The following SETD3 variants were observed in gnomAD, a reference collection of about 807,000 sequenced individuals.
SETD3 encodes the protein SET domain containing 3, actin N3(tau)-histidine methyltransferase.
In SETD3, 19 loss-of-function variants were observed where a neutral mutation model predicts 63.0. The observed-to-expected ratio is 0.30, with a 90% CI of 0.21 to 0.44. The LOEUF is 0.44. Ranked by LOEUF, SETD3 falls within the 20% of genes least tolerant of loss-of-function variation. The pLI, the probability that SETD3 is intolerant of heterozygous loss-of-function variation, is 1.00. For missense variants in SETD3, 587 were observed against 728.5 expected (o/e 0.81, Z 2.24); for synonymous variants, 286 against 264.1 (o/e 1.08, Z -0.80).
At chr14:99,430,571 G>A (rs994001764) in intron 6 of SETD3, among the ~76,000 whole-genome samples, 2 of 152,152 alleles carry the variant, frequency 1.3e-5, no homozygotes, top group African/African-American at 4.8e-5. Flanking sequence ...TGCAAACAAC[G>A]AACATTTATT....
chr14:99,417,628 C>T (rs142534568), intron 6 of SETD3, among the ~76,000 whole-genome samples: 2 of 152,336 alleles, frequency 1.3e-5, no homozygotes, highest in Non-Finnish European at 2.9e-5. Context: ...GCTCATACAA[C>T]AAACCTTTGT....
At chr14:99,463,350 G>A (rs575897457) in intron 3 of SETD3, 136 bp downstream of exon 3, 9 of 615,772 alleles carry the variant, frequency 1.5e-5, no homozygotes, top group African/African-American at 1.8e-5. Flanking sequence ...TCTCTCTCCC[G>A]GTCTGCAAGC....
intron 8 of SETD3, chr14:99,410,188 C>T (rs971679377): frequency 1.2e-6 from 2 of 1,613,372 alleles, no homozygotes; most frequent in Admixed American, 3.3e-5. Flanking sequence ...GCAGAGGCGA[C>T]AGCAAGAGCG....
intron 6 of SETD3, among the ~76,000 whole-genome samples, chr14:99,431,852 C>A (rs187966898): frequency 2.0e-4 from 30 of 152,314 alleles, no homozygotes; most frequent in African/African-American, 7.0e-4. Context: ...CACAGCAAAG[C>A]AACTGCCATC....
chr14:99,414,710 T>C (rs974286919), intron 6 of SETD3, among the ~76,000 whole-genome samples: 4 of 152,238 alleles, frequency 2.6e-5, no homozygotes, highest in Admixed American at 6.5e-5. Flanking sequence ...TTCAAGCACT[T>C]AAAAACTTTG....
intron 1 of SETD3, among the ~76,000 whole-genome samples, chr14:99,469,771 A>G (rs893304590): frequency 6.6e-6 from 1 of 152,090 alleles, no homozygotes; most frequent in African/African-American, 2.4e-5. Context: ...TACAAACCGC[A>G]TAGTGCACGA....
intron 1 of SETD3, 61 bp downstream of exon 1, chr14:99,480,667 A>G (rs1734709355): frequency 6.6e-6 from 1 of 150,494 alleles, no homozygotes; most frequent in Non-Finnish European, 1.5e-5. Context: ...CAGAGCTCGG[A>G]GACGCGGCGC....
At chr14:99,457,846 T>C (rs532988931) in intron 6 of SETD3, among the ~76,000 whole-genome samples, 13 of 152,362 alleles carry the variant, frequency 8.5e-5, no homozygotes, top group South Asian at 2.1e-4. Flanking sequence ...ACAGTACACG[T>C]TGAAAAACAT....
At chr14:99,408,448 A>G (rs2139629235) in intron 8 of SETD3, among the ~76,000 whole-genome samples, 1 of 152,264 alleles carries the variant, frequency 6.6e-6, no homozygotes, top group East Asian at 1.9e-4. Flanking sequence ...GAAGCTGCCC[A>G]TATCATGAAC....
At chr14:99,467,051 T>C (rs780611945) in intron 1 of SETD3, among the ~76,000 whole-genome samples, 7 of 152,072 alleles carry the variant, frequency 4.6e-5, no homozygotes, top group South Asian at 2.1e-4. Flanking sequence ...CAGATGATCA[T>C]TGACTCTGCT....
chr14:99,413,889 A>G lies in SETD3; in HGVS notation c.721T>C (p.Tyr241His). 1.9e-6 allele frequency: 3 copies of G among 1,614,162 alleles called. No homozygotes were observed. Among genetic ancestry groups the G allele is most frequent in the Non-Finnish European group, 2.5e-6 (3 of 1,179,970 alleles). Residue 241 changes from tyrosine (Y) to histidine (H), a missense_variant, in exon 7 of 13, where the codon TAC (tyrosine) becomes CAC (histidine). Coordinates refer to ENST00000331768, the MANE Select transcript of SETD3 (RefSeq NM_032233.3). ...NKLPLKDSFT[Y>H]EDYRWAVSSV... ...GCCCACACCAACCTGTAGTCCTCGT[A>G]AGTGAAAGAATCCTTCAAGGGTAGT...
chr14:99,465,728 C>A lies in SETD3; in HGVS notation c.78G>T (p.Leu26Phe), dbSNP rs1335079307. 1 of 1,613,866 alleles carries A rather than the reference C, an allele frequency of 6.2e-7. No individual in the cohort carries two copies. Among genetic ancestry groups the A allele is most frequent in the Non-Finnish European group, 8.5e-7 (1 of 1,179,928 alleles). ...ATATVSPKEILNLTSELLQKC... is the reference protein window; with the variant it reads ...ATATVSPKEIFNLTSELLQKC... ...TCTGCAGCAGCTCACTGGTCAGGTT[C>A]AAGATTTCCTTTGGTGACACAGTTG... The change falls in exon 2 of 13, where the codon TTG becomes TTT. Residue 26 changes from leucine to phenylalanine, a missense_variant. Physicochemically the swap from Leu to Phe is conservative, Grantham distance 22 (BLOSUM62 0). Coordinates refer to ENST00000331768, the MANE Select transcript of SETD3 (RefSeq NM_032233.3).
At chr14:99,472,161 A>G (rs1467426494) in intron 1 of SETD3, among the ~76,000 whole-genome samples, 3 of 152,258 alleles carry the variant, frequency 2.0e-5, no homozygotes, top group African/African-American at 7.2e-5. Flanking sequence ...CCAGGCCTGC[A>G]GTTCCCAAGG....
At chr14:99,406,751 G>A (rs1891703948) in intron 8 of SETD3, among the ~76,000 whole-genome samples, 161 bp from the exon 9 acceptor site, 1 of 152,244 alleles carries the variant, frequency 6.6e-6, no homozygotes, top group Non-Finnish European at 1.5e-5. Context: ...AACTGCTTGA[G>A]CACTGAGGTT....
At chr14:99,433,782 A>C (rs1415279493) in intron 6 of SETD3, among the ~76,000 whole-genome samples, 1 of 152,208 alleles carries the variant, frequency 6.6e-6, no homozygotes, top group Middle Eastern at 3.2e-3. Flanking sequence ...GCACTTCCCA[A>C]AAGAGGACAT....
At chr14:99,471,442 G>T (rs2139811261) in intron 1 of SETD3, among the ~76,000 whole-genome samples, 2 of 152,332 alleles carry the variant, frequency 1.3e-5, no homozygotes, top group South Asian at 4.1e-4. Context: ...ATGAAGGACA[G>T]GGGTTAGGGT....
chr14:99,436,534 A>G (rs1893492744), intron 6 of SETD3, among the ~76,000 whole-genome samples: 1 of 152,174 alleles, frequency 6.6e-6, no homozygotes, highest in African/African-American at 2.4e-5. Flanking sequence ...CAGCACAGGG[A>G]TAAGTGTTAG....
chr14:99,400,098 C>T lies in SETD3; in HGVS notation c.1338+1G>A. The T allele has an allele frequency of 6.2e-7, 1 of 1,605,614 alleles. No homozygotes were observed. Among genetic ancestry groups the T allele is most frequent in the Non-Finnish European group, 8.5e-7 (1 of 1,175,768 alleles). On this transcript the variant is annotated splice_donor_variant, in intron 12 of 12. Transcript: ENST00000331768. LOFTEE classifies it high-confidence loss of function. The stretch of plus-strand genomic sequence containing the variant: ...AAACCTCATTTATTTAGTGTAATTA[C>T]CTCAATAGTTGTTTTATATGTTTTT...
At position 99,398,791 on chromosome 14, in the gene SETD3, G is replaced by C. The variant is rs1336738372; in HGVS notation, c.1673C>G (p.Ser558Cys). 5.6e-6 allele frequency: 9 copies of C among 1,614,076 alleles called. No homozygotes were observed. The Admixed American group carries it at 1.5e-4, about 27-fold the overall frequency. The part of the protein sequence containing the change: ...TENGLVNGEN[S>C]IPNGTRSENE... ...TTCGGACCTGGTCCCATTAGGGATAGAGTTTTCACCGTTTACAAGCCCGTT... is the reference window on the plus strand; with the variant it reads ...TTCGGACCTGGTCCCATTAGGGATACAGTTTTCACCGTTTACAAGCCCGTT... The change falls in exon 13 of 13, where the codon TCT (serine) becomes TGT (cysteine). Residue 558 changes from serine to cysteine, a missense_variant. Coordinates refer to ENST00000331768, the MANE Select transcript of SETD3 (RefSeq NM_032233.3).
Sources: allele counts gnomAD v4.1 joint callset (sites outside exome capture counted in the v4.1 genomes callset), GRCh38; gene constraint gnomAD v4.1.1; transcripts MANE v1.5; gene names NCBI Gene and HGNC (gene_info 2026-07-23, HGNC 2026-07-21).